The following HS6ST3 variants were observed in gnomAD, a reference collection of about 807,000 sequenced individuals.
HS6ST3 encodes the protein heparan-sulfate 6-O-sulfotransferase 3.
HS6ST3 carries 12 observed loss-of-function variants against 36.7 expected under a neutral mutation model. The ratio of observed to expected loss-of-function variants is 0.33; its 90% CI spans 0.21 to 0.53. The LOEUF is 0.53. Among genes scored for constraint, HS6ST3 ranks in the 20% least tolerant of loss-of-function variants. HS6ST3 has a pLI of 0.95. For synonymous variants in HS6ST3, 240 were observed against 257.5 expected, an observed-to-expected ratio of 0.93 and a Z score of 0.65; for missense variants, 584 against 640.9, an observed-to-expected ratio of 0.91 and a Z score of 0.96.
chr13:96,355,396 C>CAA (rs1231692442), intron 1 of HS6ST3, among the ~76,000 whole-genome samples: 7 of 134,578 alleles, frequency 5.2e-5, no homozygotes, highest in Admixed American at 1.4e-4. Context: ...CACACACACA[C>CAA]ACACACAAAC....
intron 1 of HS6ST3, among the ~76,000 whole-genome samples, chr13:96,465,048 A>G (rs560719840): frequency 6.6e-6 from 1 of 151,994 alleles, no homozygotes; most frequent in African/African-American, 2.4e-5. Context: ...CTCCAACTCA[A>G]TAGTTATAAG....
At chr13:96,665,954 G>T (rs1192242669) in intron 1 of HS6ST3, among the ~76,000 whole-genome samples, 2 of 152,084 alleles carry the variant, frequency 1.3e-5, no homozygotes, top group African/African-American at 4.8e-5. Flanking sequence ...AGTAAACTAT[G>T]TTACCATGAT....
chr13:96,451,459 C>G (rs891162240), intron 1 of HS6ST3, among the ~76,000 whole-genome samples: 1 of 152,074 alleles, frequency 6.6e-6, no homozygotes, highest in Non-Finnish European at 1.5e-5. Context: ...GCTTTCCAAG[C>G]AAGGGTATTA....
intron 1 of HS6ST3, among the ~76,000 whole-genome samples, chr13:96,147,695 G>A (rs931876212): frequency 6.6e-6 from 1 of 152,196 alleles, no homozygotes; most frequent in African/African-American, 2.4e-5. Context: ...GTCCTGTCCA[G>A]GGCTGGTTCC....
chr13:96,369,627 CAG>C (rs2055279860), intron 1 of HS6ST3, among the ~76,000 whole-genome samples: 1 of 152,158 alleles, frequency 6.6e-6, no homozygotes, highest in South Asian at 2.1e-4. Context: ...ACCTGAGTAG[CAG>C]ACACACAACA....
At chr13:96,810,486 T>G (rs771477998) in intron 1 of HS6ST3, among the ~76,000 whole-genome samples, 2 of 152,204 alleles carry the variant, frequency 1.3e-5, no homozygotes, top group Non-Finnish European at 2.9e-5. Context: ...TATTCTATGA[T>G]AGACTCTGTG....
chr13:96,413,701 A>C (rs1002590261), intron 1 of HS6ST3, among the ~76,000 whole-genome samples: 1 of 152,216 alleles, frequency 6.6e-6, no homozygotes, highest in Non-Finnish European at 1.5e-5. Flanking sequence ...TGGACATTTA[A>C]GGCTTGAATG....
intron 1 of HS6ST3, among the ~76,000 whole-genome samples, chr13:96,476,115 T>G (rs933515767): frequency 6.6e-6 from 1 of 152,168 alleles, no homozygotes; most frequent in Non-Finnish European, 1.5e-5. Context: ...GAATGGTACA[T>G]TCTCATAGCT....
At chr13:96,502,115 A>G (rs1026149106) in intron 1 of HS6ST3, among the ~76,000 whole-genome samples, 2 of 152,202 alleles carry the variant, frequency 1.3e-5, no homozygotes, top group East Asian at 1.9e-4. Flanking sequence ...AGTGACCTGC[A>G]GGTACCCTAA....
Position 96,404,131 on chromosome 13 carries a change from T to C in HS6ST3, c.707+312562T>C, listed in dbSNP as rs888800538. Among the ~76,000 whole-genome samples the C allele has an allele frequency of 6.6e-5, 10 of 152,236 alleles. No individual in the cohort carries two copies. In the East Asian group the frequency reaches 1.2e-3, roughly 18 times the overall value. On this transcript the variant is annotated intron_variant, in intron 1 of 1. Coordinates refer to ENST00000376705, the MANE Select transcript of HS6ST3 (RefSeq NM_153456.4). ...ATTATAAAACATTTATAAAAGTCCA[T>C]ACGTTTTAACACTCAACCATTTTTC...
At chr13:96,475,554 G>T (rs2055859506) in intron 1 of HS6ST3, among the ~76,000 whole-genome samples, 1 of 148,072 alleles carries the variant, frequency 6.8e-6, no homozygotes, top group African/African-American at 2.5e-5. Context: ...ATCAGCAAAA[G>T]CTATTTGGCC....
At chr13:96,420,018 A>G (rs536687949) in intron 1 of HS6ST3, among the ~76,000 whole-genome samples, 1 of 152,302 alleles carries the variant, frequency 6.6e-6, no homozygotes, top group South Asian at 2.1e-4. Flanking sequence ...GAGTTATGCT[A>G]TCATTCATAA....
At chr13:96,489,363 T>C (rs1424187989) in intron 1 of HS6ST3, among the ~76,000 whole-genome samples, 3 of 132,056 alleles carry the variant, frequency 2.3e-5, no homozygotes, top group Non-Finnish European at 3.3e-5. Flanking sequence ...GGAATATTTT[T>C]CTGTATATAC....
chr13:96,651,325 A>G (rs1293952566), intron 1 of HS6ST3, among the ~76,000 whole-genome samples: 1 of 151,998 alleles, frequency 6.6e-6, no homozygotes. Context: ...GACTACAGAA[A>G]CTGTATTTAT....
chr13:96,218,412 T>A (rs1383995308), intron 1 of HS6ST3, among the ~76,000 whole-genome samples: 1 of 151,202 alleles, frequency 6.6e-6, no homozygotes, highest in Non-Finnish European at 1.5e-5. Flanking sequence ...GAGAGGAGGG[T>A]GGAGAAGGGT....
At chr13:96,295,183 A>G (rs1027710242) in intron 1 of HS6ST3, among the ~76,000 whole-genome samples, 2 of 152,170 alleles carry the variant, frequency 1.3e-5, no homozygotes, top group African/African-American at 2.4e-5. Flanking sequence ...CAGGATACAT[A>G]TAATAGAATG....
intron 1 of HS6ST3, among the ~76,000 whole-genome samples, chr13:96,489,514 A>G (rs77902289): frequency 0.016 from 2,449 of 152,148 alleles, 74 homozygotes; most frequent in African/African-American, 0.055. Flanking sequence ...GTCTCACCTT[A>G]GTTCCTAGTG....
chr13:96,453,396 G>A (rs1270917142), intron 1 of HS6ST3, among the ~76,000 whole-genome samples: 5 of 152,020 alleles, frequency 3.3e-5, no homozygotes, highest in Admixed American at 1.3e-4. Context: ...AAGTCCATGT[G>A]TACACATTGT....
At chr13:96,400,349 T>A (rs1362416259) in intron 1 of HS6ST3, among the ~76,000 whole-genome samples, 1 of 151,368 alleles carries the variant, frequency 6.6e-6, no homozygotes, top group Non-Finnish European at 1.5e-5. Context: ...ATACAAATTC[T>A]TGACTCCTGA....
Sources: gnomAD v4.1 joint callset for allele counts (sites outside exome capture counted in the v4.1 genomes callset) on GRCh38, gnomAD v4.1.1 for gene constraint, MANE v1.5 for transcripts, NCBI Gene and HGNC (gene_info 2026-07-23, HGNC 2026-07-21) for gene names.